RYR3: variants seen among roughly 807,000 people sequenced by gnomAD.
RYR3 encodes the protein brain ryanodine receptor-calcium release channel.
A neutral mutation model predicts 584.3 loss-of-function variants in RYR3; 207 were observed. The observed-to-expected ratio is 0.35, with a 90% CI of 0.32 to 0.40. RYR3 has a LOEUF of 0.40. Ranked by LOEUF, RYR3 falls within the 10% of genes least tolerant of loss-of-function variation. The probability of loss-of-function intolerance (pLI) is 1.00; values close to 1 mark genes in which losing one functional copy is unlikely to be tolerated. For synonymous variants in RYR3, 2,416 were observed against 2,248.5 expected (o/e 1.07, Z -2.11); for missense variants, 5,616 against 6,089.2 (o/e 0.92, Z 2.59).
chr15:33,623,728 A>G, intron 19 of RYR3, 79 bp from the exon 20 acceptor site: 1 of 1,033,548 alleles, frequency 9.7e-7, no homozygotes, highest in Non-Finnish European at 1.5e-6. Flanking sequence ...GGAGGTAGGG[A>G]TTGATCTTTA....
chr15:33,594,122 C>A (rs975413977), intron 16 of RYR3, among the ~76,000 whole-genome samples: 1 of 152,128 alleles, frequency 6.6e-6, no homozygotes. Context: ...CTTTACTTAC[C>A]TCAGAAACCC....
chr15:33,344,616 A>G (rs1221063585), intron 1 of RYR3, among the ~76,000 whole-genome samples: 1 of 152,170 alleles, frequency 6.6e-6, no homozygotes. Flanking sequence ...TGTTCAAAAC[A>G]TCTCTCAAGT....
intron 2 of RYR3, 138 bp downstream of exon 2, chr15:33,473,676 G>C (rs1257162856): frequency 1.1e-6 from 1 of 871,672 alleles, no homozygotes. Flanking sequence ...AAGCAGATCT[G>C]GTTTAAACCA....
At chr15:33,609,001 C>T (rs189903427) in intron 18 of RYR3, among the ~76,000 whole-genome samples, 1 of 152,336 alleles carries the variant, frequency 6.6e-6, no homozygotes, top group Admixed American at 6.5e-5. Context: ...AGATGAAGAG[C>T]ATCCCCCATG....
intron 19 of RYR3, 115 bp downstream of exon 19, chr15:33,613,490 C>T (rs1595835937): frequency 1.2e-5 from 13 of 1,077,178 alleles, no homozygotes; most frequent in South Asian, 3.3e-5. Flanking sequence ...AACTAAGTTC[C>T]CCAGGACAGT....
At chr15:33,527,848 G>A (rs2054520351) in intron 3 of RYR3, among the ~76,000 whole-genome samples, 1 of 152,164 alleles carries the variant, frequency 6.6e-6, no homozygotes, top group South Asian at 2.1e-4. Context: ...ACAGTTGGAA[G>A]GTCGGTGATT....
chr15:33,652,995 C>A, intron 32 of RYR3, 112 bp downstream of exon 32: 3 of 1,090,324 alleles, frequency 2.8e-6, no homozygotes, highest in Non-Finnish European at 2.6e-6. Flanking sequence ...AGCTGATGAG[C>A]CCATGTGGGC....
chr15:33,672,722 C>T (rs566885787), intron 38 of RYR3, among the ~76,000 whole-genome samples: 60 of 152,200 alleles, frequency 3.9e-4, no homozygotes, highest in African/African-American at 1.1e-3. Flanking sequence ...CATGCTATTG[C>T]GTATCTGATT....
intron 1 of RYR3, among the ~76,000 whole-genome samples, chr15:33,317,496 G>C (rs2140492213): frequency 6.6e-6 from 1 of 152,110 alleles, no homozygotes; most frequent in East Asian, 1.9e-4. Flanking sequence ...GTGTTTTAGG[G>C]ACAAAGACAT....
rs368093331 is a variant in RYR3, at chr15:33,864,212, C to G, written c.14517+23C>G. 2.3e-5 allele frequency: 36 copies of G among 1,584,608 alleles called. No homozygotes were observed. In the East Asian group the frequency reaches 3.1e-4, roughly 14 times the overall value. On this transcript the variant is annotated intron_variant, in intron 103 of 103. Transcript: ENST00000634891. ...CAGGTGAGAAATTAAGAATCATATA[C>G]CCGTGTTAGATCTCCCTTTCCTAAA... is the stretch of plus-strand genomic sequence containing the variant.
At chr15:33,552,568 C>T (rs1341275551) in intron 10 of RYR3, among the ~76,000 whole-genome samples, 5 of 152,276 alleles carry the variant, frequency 3.3e-5, no homozygotes, top group East Asian at 1.9e-4. Context: ...AGTCTCCATG[C>T]GGTAGTATTC....
At chr15:33,754,450 A>G (rs1216228568) in intron 57 of RYR3, among the ~76,000 whole-genome samples, 6 of 152,316 alleles carry the variant, frequency 3.9e-5, no homozygotes, top group South Asian at 4.1e-4. Context: ...CTCCTGCCTC[A>G]GGACCTTTGC....
chr15:33,320,666 C>G (rs1968844605), intron 1 of RYR3, among the ~76,000 whole-genome samples: 1 of 152,138 alleles, frequency 6.6e-6, no homozygotes, highest in Non-Finnish European at 1.5e-5. Context: ...TACTTCTGTT[C>G]TTGTTTTCTC....
At chr15:33,666,881 G>A (rs1222431815) in intron 36 of RYR3, among the ~76,000 whole-genome samples, 4 of 152,192 alleles carry the variant, frequency 2.6e-5, no homozygotes, top group African/African-American at 9.7e-5. Context: ...TACAGGCAAG[G>A]AAGCCCCTGC....
At chr15:33,439,835 A>G (rs1567240040) in intron 1 of RYR3, among the ~76,000 whole-genome samples, 1 of 152,252 alleles carries the variant, frequency 6.6e-6, no homozygotes, top group Non-Finnish European at 1.5e-5. Context: ...AGTTATGGTA[A>G]TATTATCTAT....
chr15:33,776,831 A>T (rs977533033), intron 64 of RYR3, among the ~76,000 whole-genome samples: 12 of 152,244 alleles, frequency 7.9e-5, no homozygotes, highest in African/African-American at 1.7e-4. Flanking sequence ...ATTCAGATAC[A>T]TGGAAATAAA....
intron 93 of RYR3, among the ~76,000 whole-genome samples, chr15:33,845,332 A>T (rs895237606): frequency 2.0e-4 from 31 of 152,256 alleles, no homozygotes; most frequent in Middle Eastern, 6.8e-3. Context: ...GGCTCACTGC[A>T]ACCTCCGCCT....
chr15:33,326,337 A>G (rs776277296), intron 1 of RYR3, among the ~76,000 whole-genome samples: 19 of 152,196 alleles, frequency 1.2e-4, no homozygotes, highest in Non-Finnish European at 2.2e-4. Flanking sequence ...CTTACTATGT[A>G]AAAGGCATGT....
Position 33,624,218 on chromosome 15 carries a change from T to C in RYR3, c.2574+195T>C, listed in dbSNP as rs116555218. 4.3e-3 allele frequency among the ~76,000 whole-genome samples: 662 copies of C among 152,388 alleles called. 8 individuals are homozygous for C. The highest frequency in any genetic ancestry group is 0.015 in the African/African-American group (638 of 41,596). The stretch of plus-strand genomic sequence containing the variant: ...TTAAGGATTTCTCAATCAGTGAACA[T>C]GTTGAGCACCTGCTACGTGTGTTAT... On this transcript the variant is annotated intron_variant, in intron 20 of 103. Transcript: ENST00000634891.
Sources: gnomAD v4.1 joint callset for allele counts (sites outside exome capture counted in the v4.1 genomes callset) on GRCh38, gnomAD v4.1.1 for gene constraint, MANE v1.5 for transcripts, NCBI Gene and HGNC (gene_info 2026-07-23, HGNC 2026-07-21) for gene names.